The following CEP192 variants were observed in gnomAD, a reference collection of about 807,000 sequenced individuals.
CEP192 encodes the protein centrosomal protein of 192 kDa.
Under a neutral mutation model 271.8 loss-of-function variants are expected in CEP192, and 151 were observed. That is an observed-to-expected ratio of 0.56 (90% CI 0.49 to 0.64). The LOEUF (loss-of-function observed/expected upper bound fraction) is 0.64, where lower values mean the gene tolerates loss of function less well. Ranked by LOEUF, CEP192 falls within the 30% of genes least tolerant of loss-of-function variation. CEP192 has a pLI of 0.00. For synonymous variants in CEP192, 995 were observed against 1,076.5 expected (o/e 0.92, Z 1.48); for missense variants, 2,910 against 3,020.5 (o/e 0.96, Z 0.86).
intron 32 of CEP192, 151 bp downstream of exon 32, chr18:13,087,797 G>C (rs1021396046): frequency 7.0e-6 from 3 of 430,120 alleles, no homozygotes; most frequent in Non-Finnish European, 1.2e-5. Context: ...TGGATGATGA[G>C]CTACCACAAT....
intron 1 of CEP192, among the ~76,000 whole-genome samples, chr18:12,997,972 G>A (rs964160254): frequency 6.6e-6 from 1 of 152,134 alleles, no homozygotes; most frequent in African/African-American, 2.4e-5. Flanking sequence ...TGATTCGCCT[G>A]CCTCAGCCTC....
At chr18:13,070,112 G>A (rs112930305) in intron 27 of CEP192, among the ~76,000 whole-genome samples, 106 of 151,836 alleles carry the variant, frequency 7.0e-4, no homozygotes, top group African/African-American at 2.5e-3. Flanking sequence ...AGTGAGCCAA[G>A]ATCACACCTC....
chr18:12,996,070 C>T (rs920502617), intron 1 of CEP192, among the ~76,000 whole-genome samples: 5 of 152,034 alleles, frequency 3.3e-5, no homozygotes, highest in African/African-American at 1.2e-4. Flanking sequence ...GGAGTGAGGA[C>T]GTTTCAGTAA....
At chr18:13,046,131 G>A (rs957654637) in intron 15 of CEP192, among the ~76,000 whole-genome samples, 2 of 152,102 alleles carry the variant, frequency 1.3e-5, no homozygotes, top group Admixed American at 6.6e-5. Context: ...GCTTCTGGGG[G>A]GGCCTCAGGA....
chr18:13,090,815 G>A (rs1290952437), intron 33 of CEP192, among the ~76,000 whole-genome samples: 2 of 152,164 alleles, frequency 1.3e-5, no homozygotes, highest in South Asian at 4.1e-4. Context: ...GCTGAACTGT[G>A]CTATGGAGAT....
rs2040492706 is a variant in CEP192 at position 13,117,631 on chromosome 18, A to G, written c.7463A>G (p.Lys2488Arg). 2 of 1,612,692 alleles carry G rather than the reference A, an allele frequency of 1.2e-6. No individual in the cohort carries two copies. Among genetic ancestry groups the G allele is most frequent in the Admixed American group, 1.7e-5 (1 of 59,974 alleles). ...PREPFYVKHS[K>R]YSLRAQHYIN... is the part of the protein sequence containing the mutation. Reference sequence around the variant, plus strand: ...GAGCCATTCTATGTCAAACATTCCAAGTACTCTTTGAGGTAAGTTTATCGC... The same window carrying G: ...GAGCCATTCTATGTCAAACATTCCAGGTACTCTTTGAGGTAAGTTTATCGC... The change falls in exon 44 of 45, where the codon AAG becomes AGG. Residue 2488 changes from lysine to arginine, a missense_variant. Coordinates refer to ENST00000506447, the MANE Select transcript of CEP192 (RefSeq NM_032142.4).
chr18:13,012,976 C>T lies in CEP192; in HGVS notation c.470C>T (p.Ser157Leu), dbSNP rs750088067. 2.7e-6 allele frequency: 4 copies of T among 1,508,524 alleles called. No homozygotes were observed. Among genetic ancestry groups the T allele is most frequent in the Non-Finnish European group, 3.6e-6 (4 of 1,110,080 alleles). 93.4% of individuals were successfully genotyped at this position (1,508,524 alleles called of 1,614,324 possible). A position where few individuals can be genotyped will look rare whatever the true frequency, so the allele number is the denominator to read the frequency against. The part of the protein sequence containing the change: ...RASPLEQAQD[S>L]PIDFHLQSWM... ...TTGTTTTTGTTTTCTTACACAGACT[C>T]ACCTATTGATTTTCATTTACAGTCA... Residue 157 changes from serine (S) to leucine (L), a missense_variant, in exon 5 of 45, where the codon TCA becomes TTA. By Grantham distance (145) the Ser-to-Leu change is moderately radical. Transcript: ENST00000506447.
intron 44 of CEP192, among the ~76,000 whole-genome samples, chr18:13,118,750 G>A (rs1196272654): frequency 6.6e-6 from 1 of 152,206 alleles, no homozygotes; most frequent in Admixed American, 6.5e-5. Flanking sequence ...TGTGAGGAAT[G>A]TAAGAGACGT....
At chr18:13,058,156 A>G (rs541765477) in intron 20 of CEP192, 1 of 152,374 alleles carries the variant, frequency 6.6e-6, no homozygotes, top group Non-Finnish European at 1.5e-5. Flanking sequence ...TAACTAGTTT[A>G]TCTGATGATT....
At chr18:13,026,939 C>A (rs537940185) in intron 9 of CEP192, among the ~76,000 whole-genome samples, 27 of 152,092 alleles carry the variant, frequency 1.8e-4, no homozygotes, top group African/African-American at 6.3e-4. Flanking sequence ...TTTTAGTATG[C>A]CTTTTAATTT....
intron 21 of CEP192, among the ~76,000 whole-genome samples, chr18:13,061,034 T>C (rs1387864291): frequency 6.6e-6 from 1 of 152,134 alleles, no homozygotes; most frequent in Admixed American, 6.5e-5. Flanking sequence ...GTTAATTAGT[T>C]GTTTCAGGCC....
chr18:13,054,456 G>A (rs1480330742), intron 18 of CEP192, among the ~76,000 whole-genome samples: 2 of 152,212 alleles, frequency 1.3e-5, no homozygotes, highest in African/African-American at 4.8e-5. Flanking sequence ...ACAGCGTAGT[G>A]TGAGAGCATT....
intron 9 of CEP192, among the ~76,000 whole-genome samples, chr18:13,020,287 A>T (rs2034913579): frequency 6.6e-6 from 1 of 152,088 alleles, no homozygotes; most frequent in South Asian, 2.1e-4. Context: ...TGTCTCTATG[A>T]ATTTGCCCAC....
rs183749654 is a variant in CEP192 at position 13,031,660 on chromosome 18, G to A, written c.1534+1052G>A. On this transcript the variant is annotated intron_variant, in intron 11 of 44. Transcript: ENST00000506447. ...ATGTGGAATTACAGCAATAAATTAG[G>A]TAGTATGCCAGTCCTTAAGAAACTG... Among the ~76,000 whole-genome samples the A allele has an allele frequency of 7.2e-5, 11 of 152,210 alleles. No individual in the cohort carries two copies. The East Asian group carries it at 2.1e-3, about 29-fold the overall frequency.
chr18:13,056,669 C>T lies in CEP192; in HGVS notation c.4079C>T (p.Pro1360Leu), dbSNP rs776155329. 6 of 1,609,640 alleles carry T rather than the reference C, an allele frequency of 3.7e-6. No homozygotes were observed. In the East Asian group the frequency reaches 1.3e-4, roughly 36 times the overall value. The change falls in exon 19 of 45, where the codon CCA becomes CTA. Residue 1360 changes from proline to leucine, a missense_variant. By Grantham distance (98) the Pro-to-Leu change is moderately conservative (BLOSUM62 -3). Transcript: ENST00000506447. ...GTTGGTACAAACTGTGGAATTGAAC[C>T]ATGGGATTCAGGAGTGACATCAGGA... ...PSVGTNCGIE[P>L]WDSGVTSGLG...
At chr18:13,051,964 G>A (rs2036819302) in intron 17 of CEP192, among the ~76,000 whole-genome samples, 1 of 152,190 alleles carries the variant, frequency 6.6e-6, no homozygotes, top group African/African-American at 2.4e-5. Flanking sequence ...CCAAGTGAAG[G>A]GCTGAATTCA....
intron 32 of CEP192, chr18:13,088,973 C>G: frequency 5.1e-6 from 2 of 394,808 alleles, no homozygotes; most frequent in South Asian, 3.8e-5. Context: ...AACTCTTTGC[C>G]ATAAAATTAA....
intron 1 of CEP192, among the ~76,000 whole-genome samples, chr18:12,999,131 C>G (rs1294258949): frequency 6.6e-6 from 1 of 151,988 alleles, no homozygotes; most frequent in Non-Finnish European, 1.5e-5. Context: ...TGTAGTAATT[C>G]ATTTTCCTAG....
At chr18:13,099,093 T>A (rs920617857) in intron 36 of CEP192, among the ~76,000 whole-genome samples, 2 of 148,750 alleles carry the variant, frequency 1.3e-5, no homozygotes, top group African/African-American at 5.0e-5. Flanking sequence ...GGCAGGAGAA[T>A]CAGGCAGGGA....
Sources: gnomAD v4.1 joint callset for allele counts (sites outside exome capture counted in the v4.1 genomes callset) on GRCh38, gnomAD v4.1.1 for gene constraint, MANE v1.5 for transcripts, NCBI Gene and HGNC (gene_info 2026-07-23, HGNC 2026-07-21) for gene names.